CACNA1B: variants seen among roughly 807,000 people sequenced by gnomAD.
CACNA1B encodes the protein calcium voltage-gated channel subunit alpha1 B, also known as voltage-dependent N-type calcium channel subunit alpha-1B.
CACNA1B carries 70 observed loss-of-function variants against 247.2 expected under a neutral mutation model. That is an observed-to-expected ratio of 0.28 (90% CI 0.23 to 0.35). The LOEUF (loss-of-function observed/expected upper bound fraction) is 0.35, where lower values mean the gene tolerates loss of function less well. Among genes scored for constraint, CACNA1B ranks in the 10% least tolerant of loss-of-function variants. The pLI is 1.00. For missense variants in CACNA1B, 2,367 were observed against 3,197.4 expected (o/e 0.74, Z 6.26); for synonymous variants, 1,231 against 1,294.4 (o/e 0.95, Z 1.05).
At chr9:137,989,216 A>G (rs1208178472) in intron 15 of CACNA1B, among the ~76,000 whole-genome samples, 1 of 152,246 alleles carries the variant, frequency 6.6e-6, no homozygotes, top group Non-Finnish European at 1.5e-5. Flanking sequence ...AAAGGCACCT[A>G]AGAACAAAGA....
intron 10 of CACNA1B, among the ~76,000 whole-genome samples, chr9:137,962,123 C>T (rs1248147195): frequency 2.0e-5 from 3 of 151,916 alleles, no homozygotes; most frequent in Non-Finnish European, 4.4e-5. Context: ...TGTATGTGTC[C>T]AGGAATTTAT....
intron 23 of CACNA1B, among the ~76,000 whole-genome samples, chr9:138,048,431 T>C (rs1959201911): frequency 6.6e-6 from 1 of 152,190 alleles, no homozygotes; most frequent in East Asian, 1.9e-4. Flanking sequence ...TGCAGGGAAT[T>C]TAGGAGCCCA....
At chr9:137,951,558 G>T (rs1162503385) in intron 6 of CACNA1B, among the ~76,000 whole-genome samples, 1 of 152,208 alleles carries the variant, frequency 6.6e-6, no homozygotes, top group Non-Finnish European at 1.5e-5. Flanking sequence ...GACTTGCAGG[G>T]AGAAAGAGGT....
At position 138,015,465 on chromosome 9, in the gene CACNA1B, T is replaced by A. The variant is rs570272545; in HGVS notation, c.2267+2230T>A. Among the ~76,000 whole-genome samples the A allele has an allele frequency of 2.7e-5, 4 of 146,912 alleles. No individual in the cohort carries two copies. In the South Asian group the frequency reaches 8.3e-4, roughly 30 times the overall value. Reference sequence around the variant, plus strand: ...GTCATCTGTCCTCGTCTGCTTCCTGTTCTCCTGGTGGGACGAGCAGCGCTG... The same window carrying A: ...GTCATCTGTCCTCGTCTGCTTCCTGATCTCCTGGTGGGACGAGCAGCGCTG... On this transcript the variant is annotated intron_variant, in intron 18 of 46. Coordinates refer to ENST00000371372, the MANE Select transcript of CACNA1B (RefSeq NM_000718.4).
intron 36 of CACNA1B, among the ~76,000 whole-genome samples, chr9:138,091,044 C>A (rs1960862331): frequency 6.6e-6 from 1 of 152,126 alleles, no homozygotes; most frequent in African/African-American, 2.4e-5. Context: ...GGGTATATAT[C>A]CAAACGGAGG....
intron 36 of CACNA1B, among the ~76,000 whole-genome samples, chr9:138,094,457 A>AAAAAAAAAAAGAAGAAG (rs752912258): frequency 7.4e-6 from 1 of 134,896 alleles, no homozygotes; most frequent in Non-Finnish European, 1.6e-5. Context: ...AAAAAAAAAA[A>AAAAAAAAAAAGAAGAAG]AAGAAGAAGA....
chr9:137,980,805 G>A (rs1459364938), intron 12 of CACNA1B, among the ~76,000 whole-genome samples: 1 of 152,184 alleles, frequency 6.6e-6, no homozygotes. Context: ...AATGGCCTCT[G>A]GCCACATCCA....
chr9:137,917,752 C>T lies in CACNA1B; in HGVS notation c.966+321C>T, dbSNP rs891857954. Among the ~76,000 whole-genome samples the T allele has an allele frequency of 7.9e-5, 12 of 152,212 alleles. No homozygotes were observed. Among genetic ancestry groups the T allele is most frequent in the Non-Finnish European group, 1.2e-4 (8 of 68,042 alleles). On this transcript the variant is annotated intron_variant, in intron 6 of 46. Transcript: ENST00000371372. This position sits in a 1 kb window ranked among gnomAD's most constrained non-coding sequence, Gnocchi z 5.5. ...ATGCTGCTGTTTCTGTTGGCAAGGA[C>T]GATAGTAGCACTGCTAGCTGCTCTG...
In CACNA1B at chr9:138,054,768, C is replaced by T. The variant is rs181511903; in HGVS notation, c.3968+762C>T. Among the ~76,000 whole-genome samples, 15 of 152,316 alleles carry T rather than the reference C, an allele frequency of 9.8e-5. No individual in the cohort carries two copies. Among genetic ancestry groups the T allele is most frequent in the African/African-American group, 3.4e-4 (14 of 41,566 alleles). On this transcript the variant is annotated intron_variant, in intron 26 of 46. Coordinates refer to ENST00000371372, the MANE Select transcript of CACNA1B (RefSeq NM_000718.4). This position sits in a 1 kb window ranked among gnomAD's most constrained non-coding sequence, Gnocchi z 4.6. ...GCTGCCAGGCCCTTGTGTAAAATTA[C>T]ACTCTCTCCAGCGTAGATGAGAGCC...
chr9:138,008,153 C>T (rs970671981), intron 16 of CACNA1B, among the ~76,000 whole-genome samples: 11 of 152,298 alleles, frequency 7.2e-5, no homozygotes, highest in Non-Finnish European at 1.0e-4. Context: ...ATGGGTGGCC[C>T]TGGGGCTGGC....
At position 137,919,463 on chromosome 9, in the gene CACNA1B, C is replaced by T. The variant is rs1296059312; in HGVS notation, c.966+2032C>T. 1.3e-5 allele frequency among the ~76,000 whole-genome samples: 2 copies of T among 152,196 alleles called. No individual in the cohort carries two copies. The highest frequency in any genetic ancestry group is 2.9e-5 in the Non-Finnish European group (2 of 68,034). Reference sequence around the variant, plus strand: ...CAGTCATGGCAGTGCCTGGGGCTGGCGCCACACAAGGCCCCAGAGCAGGTA... The same window carrying T: ...CAGTCATGGCAGTGCCTGGGGCTGGTGCCACACAAGGCCCCAGAGCAGGTA... On this transcript the variant is annotated intron_variant, in intron 6 of 46. Coordinates refer to ENST00000371372, the MANE Select transcript of CACNA1B (RefSeq NM_000718.4). This position sits in a 1 kb window ranked among gnomAD's most constrained non-coding sequence, Gnocchi z 4.6.
chr9:138,082,023 G>A (rs2131324371), intron 36 of CACNA1B, among the ~76,000 whole-genome samples: 1 of 151,240 alleles, frequency 6.6e-6, no homozygotes, highest in African/African-American at 2.4e-5. Flanking sequence ...ATAACTAAAT[G>A]TAAGAGCTAT....
chr9:138,069,596 T>C (rs1960047782), intron 31 of CACNA1B, among the ~76,000 whole-genome samples, 162 bp from the exon 32 acceptor site: 1 of 152,234 alleles, frequency 6.6e-6, no homozygotes, highest in Non-Finnish European at 1.5e-5. Flanking sequence ...GTTTTCTGTT[T>C]TTGTTCTTGA....
chr9:138,093,532 G>A (rs1273849793), intron 36 of CACNA1B, among the ~76,000 whole-genome samples: 1 of 151,980 alleles, frequency 6.6e-6, no homozygotes, highest in Non-Finnish European at 1.5e-5. Context: ...GTTGAGGCCA[G>A]GAGTTTGAGA....
rs898350790 is a variant in CACNA1B at position 138,010,966 on chromosome 9, C to T, written c.2160+889C>T. Among the ~76,000 whole-genome samples, 1 of 152,214 alleles carries T rather than the reference C, an allele frequency of 6.6e-6. No homozygotes were observed. The highest frequency in any genetic ancestry group is 1.5e-5 in the Non-Finnish European group (1 of 68,034). On this transcript the variant is annotated intron_variant, in intron 17 of 46. Transcript: ENST00000371372. The surrounding 1 kb of genome is among the most constrained non-coding windows in gnomAD (Gnocchi z 5.3). ...GCTGTGCAGGTGCCCCTGCTCCCCCCAGCCGAGCTCTCCAGGAGGGGGGTG... is the reference window on the plus strand; with the variant it reads ...GCTGTGCAGGTGCCCCTGCTCCCCCTAGCCGAGCTCTCCAGGAGGGGGGTG...
chr9:137,885,775 A>G (rs1957002486), intron 3 of CACNA1B, among the ~76,000 whole-genome samples: 2 of 125,570 alleles, frequency 1.6e-5, no homozygotes, highest in Non-Finnish European at 1.7e-5. Flanking sequence ...GGGGGGCTGT[A>G]GTCGGCTGTA....
rs984122119 is a variant in CACNA1B at position 138,023,288 on chromosome 9, C to T, written c.2545C>T (p.Arg849Cys). Residue 849 changes from arginine to cysteine, a missense_variant, in exon 19 of 47, where the codon CGC (arginine) becomes TGC (cysteine). Physicochemically the swap from Arg to Cys is radical, Grantham distance 180. Coordinates refer to ENST00000371372, the MANE Select transcript of CACNA1B (RefSeq NM_000718.4). ...GGCCCCCGAGGGCGTCGACCCTCCG[C>T]GCAGGCACCACCGGCACCGCGACAA... ...AEAPEGVDPP[R>C]RHHRHRDKDK... The T allele has an allele frequency of 7.3e-6, 11 of 1,516,028 alleles. No homozygotes were observed. Among genetic ancestry groups the T allele is most frequent in the Non-Finnish European group, 9.6e-6 (11 of 1,140,160 alleles). The allele number at this position is 1,516,028 out of a possible 1,614,324, so 93.9% of individuals were successfully genotyped here.
At chr9:138,019,940 AC>A (rs991093424) in intron 18 of CACNA1B, among the ~76,000 whole-genome samples, 5 of 151,852 alleles carry the variant, frequency 3.3e-5, no homozygotes, top group African/African-American at 9.7e-5. Context: ...TCTACTAAAT[AC>A]AAAAAATTAG....
chr9:137,893,351 C>CT (rs1957131052), intron 3 of CACNA1B, among the ~76,000 whole-genome samples: 2 of 108,566 alleles, frequency 1.8e-5, no homozygotes, highest in Non-Finnish European at 1.8e-5. Context: ...CAACTCCCCC[C>CT]TTTAAAAAAA....
Sources: allele counts gnomAD v4.1 joint callset (sites outside exome capture counted in the v4.1 genomes callset), GRCh38; gene constraint gnomAD v4.1.1; non-coding constraint Gnocchi (gnomAD v3.1); transcripts MANE v1.5; gene names NCBI Gene and HGNC (gene_info 2026-07-23, HGNC 2026-07-21).